The following TTN variants were observed in gnomAD, a reference collection of about 807,000 sequenced individuals.
TTN encodes connectin.
A neutral mutation model predicts 3,223.0 loss-of-function variants in TTN; 1,525 were observed. That is an observed-to-expected ratio of 0.47 (90% CI 0.45 to 0.49). The LOEUF is 0.49. Ranked by LOEUF, TTN falls within the 20% of genes least tolerant of loss-of-function variation. The pLI, the probability that TTN is intolerant of heterozygous loss-of-function variation, is 0.00. For missense variants in TTN, 40,786 were observed against 43,424.0 expected, an observed-to-expected ratio of 0.94 and a Z score of 5.40; for synonymous variants, 14,094 against 15,161.0, an observed-to-expected ratio of 0.93 and a Z score of 5.17.
intron 47 of TTN, chr2:178,749,903 T>C (rs748204867): frequency 1.2e-6 from 2 of 1,613,110 alleles, no homozygotes; most frequent in Non-Finnish European, 8.5e-7. Context: ...CCTGGCATGC[T>C]TTGGCATTTC....
rs544263357 is a variant in TTN at position 178,574,026 on chromosome 2, T to C, written c.72106A>G (p.Lys24036Glu). The C allele has an allele frequency of 2.5e-6, 4 of 1,613,336 alleles. No homozygotes were observed. The African/African-American group carries it at 4.0e-5, about 16-fold the overall frequency. Residue 24036 changes from lysine (K) to glutamate (E), a missense_variant, in exon 326 of 363, where the codon AAG becomes GAG. By Grantham distance (56) the Lys-to-Glu change is moderately conservative. Transcript: ENST00000589042. ...CCTGCTTTTAATATAACCGTGTCCT[T>C]AAATTTAACATCCACCTTTATCTTT... Reference protein sequence around the residue: ...APKIKVDVKFKDTVILKAGEA... With the variant: ...APKIKVDVKFEDTVILKAGEA...
chr2:178,703,685 A>T (rs2075370625), intron 106 of TTN, among the ~76,000 whole-genome samples: 1 of 152,234 alleles, frequency 6.6e-6, no homozygotes, highest in Non-Finnish European at 1.5e-5. Context: ...AATGAAATAA[A>T]TATTTTTGAA....
intron 207 of TTN, 59 bp downstream of exon 207, chr2:178,651,394 C>T: frequency 6.2e-7 from 1 of 1,602,358 alleles, no homozygotes; most frequent in Non-Finnish European, 8.5e-7. Flanking sequence ...CAGAACAAAA[C>T]CCTTTTAGAA....
rs1559405404 is a variant in TTN, at chr2:178,571,694, G to T, written c.74438C>A (p.Thr24813Asn). Residue 24813 changes from threonine (T) to asparagine (N), a missense_variant, in exon 326 of 363, where the codon ACT becomes AAT. By Grantham distance (65) the Thr-to-Asn change is moderately conservative (BLOSUM62 0). Coordinates refer to ENST00000589042, the MANE Select transcript of TTN (RefSeq NM_001267550.2). ...VIVLDKPGPP[T>N]GPVKMDEVTA... ...CACTTCATCCATTTTAACTGGTCCA[G>T]TTGGAGGCCCTGGTTTGTCAAGAAC... The T allele has an allele frequency of 6.2e-7, 1 of 1,613,498 alleles. No individual in the cohort carries two copies. The highest frequency in any genetic ancestry group is 8.5e-7 in the Non-Finnish European group (1 of 1,179,612).
intron 50 of TTN, 119 bp downstream of exon 50, chr2:178,735,392 T>C: frequency 9.8e-7 from 1 of 1,024,260 alleles, no homozygotes; most frequent in Non-Finnish European, 1.3e-6. Flanking sequence ...AACCATAATG[T>C]TTGCTGAATG....
chr2:178,548,136 C>T lies in TTN; in HGVS notation c.93490G>A (p.Gly31164Ser). 1 of 1,613,834 alleles carries T rather than the reference C, an allele frequency of 6.2e-7. No individual in the cohort carries two copies. The highest frequency in any genetic ancestry group is 8.5e-7 in the Non-Finnish European group (1 of 1,179,812). ...QKGSDFWVEA[G>S]HTKQLTFTVE... ...GTGAAAGTTAGCTGTTTGGTGTGAC[C>T]AGCTTCAACCCAGAAGTCAGATCCC... Residue 31164 changes from glycine (G) to serine (S), a missense_variant, in exon 339 of 363, where the codon GGT (glycine) becomes AGT (serine). Physicochemically the swap from Gly to Ser is moderately conservative, Grantham distance 56. Coordinates refer to ENST00000589042, the MANE Select transcript of TTN (RefSeq NM_001267550.2). The surrounding 1 kb of genome is among the most constrained non-coding windows in gnomAD (Gnocchi z 4.3).
chr2:178,577,881 C>T lies in TTN; in HGVS notation c.68545G>A (p.Glu22849Lys). ...GAATTCCTTGTTATGTTAATAACCT[C>T]AGGTTTTCCAGGAGGATCTAAAACA... Reference protein sequence around the residue: ...LDPIDPPGKPEVINITRNSVT... With the variant: ...LDPIDPPGKPKVINITRNSVT... The change falls in exon 323 of 363, where the codon GAG becomes AAG. Residue 22849 changes from glutamate to lysine, a missense_variant. Physicochemically the swap from Glu to Lys is moderately conservative, Grantham distance 56. Coordinates refer to ENST00000589042, the MANE Select transcript of TTN (RefSeq NM_001267550.2). 1.3e-6 allele frequency: 2 copies of T among 1,584,142 alleles called. No individual in the cohort carries two copies. Among genetic ancestry groups the T allele is most frequent in the South Asian group, 1.2e-5 (1 of 85,564 alleles).
rs527648094 is a variant in TTN at position 178,799,479 on chromosome 2, A to G, written c.914+8T>C. On this transcript the variant is annotated splice_region_variant and intron_variant, in intron 6 of 362. Coordinates refer to ENST00000589042, the MANE Select transcript of TTN (RefSeq NM_001267550.2). ...TGCAATAATCTGCTCTCTCTATGGC[A>G]GCTTTACCTGACCGGAGATGGGGTC... 8.1e-6 allele frequency: 13 copies of G among 1,614,128 alleles called. No homozygotes were observed. The African/African-American group carries it at 1.3e-4, about 17-fold the overall frequency.
Position 178,549,388 on chromosome 2 carries a change from A to G in TTN, c.92238T>C (p.Asp30746=), listed in dbSNP as rs375738563. 1.2e-6 allele frequency: 2 copies of G among 1,613,666 alleles called. No homozygotes were observed. The highest frequency in any genetic ancestry group is 1.3e-5 in the African/African-American group (1 of 74,906). Residue 30746 remains aspartate (D), a synonymous_variant, in exon 339 of 363, where the codon GAT becomes GAC. Coordinates refer to ENST00000589042, the MANE Select transcript of TTN (RefSeq NM_001267550.2). Reference sequence around the variant, plus strand: ...TATACTGTTGAATTTCACTGCCACCATCTGATTCTGGCCTTGCCCATGTCA... The same window carrying G: ...TATACTGTTGAATTTCACTGCCACCGTCTGATTCTGGCCTTGCCCATGTCA... The part of the protein sequence containing the change: ...ITLTWARPES[D]GGSEIQQYIL...
intron 114 of TTN, 117 bp downstream of exon 114, chr2:178,695,748 C>A: frequency 1.2e-6 from 1 of 858,400 alleles, no homozygotes; most frequent in Non-Finnish European, 1.6e-6. Context: ...TTAAAAAAAT[C>A]TAAGATCATT....
In TTN at chr2:178,685,004, G is replaced by A; in HGVS notation, c.32471-15C>T. The A allele has an allele frequency of 6.3e-7, 1 of 1,579,778 alleles. No homozygotes were observed. The highest frequency in any genetic ancestry group is 2.3e-5 in the East Asian group (1 of 44,346). ...TGCTTCAGGAACTTTAGAAAGATTAGGTTTAAGAATATGAGTTTGCCTTAC... is the reference window on the plus strand; with the variant it reads ...TGCTTCAGGAACTTTAGAAAGATTAAGTTTAAGAATATGAGTTTGCCTTAC... On this transcript the variant is annotated splice_polypyrimidine_tract_variant and intron_variant, in intron 129 of 362. Transcript: ENST00000589042.
Position 178,645,919 on chromosome 2 carries a change from C to A in TTN, c.40408+1G>T. 2 of 1,556,410 alleles carry A rather than the reference C, an allele frequency of 1.3e-6. No individual in the cohort carries two copies. Among genetic ancestry groups the A allele is most frequent in the South Asian group, 2.5e-5 (2 of 81,068 alleles). On this transcript the variant is annotated splice_donor_variant, in intron 217 of 362. Transcript: ENST00000589042. LOFTEE classifies it high-confidence loss of function. ...AAAACTTTGGAAGTGGCATTTTTTACCTTTAAGTTGGAATATTTTCTCCTT... is the reference window on the plus strand; with the variant it reads ...AAAACTTTGGAAGTGGCATTTTTTAACTTTAAGTTGGAATATTTTCTCCTT...
At chr2:178,621,771 T>C (rs556054662) in intron 244 of TTN, 30 bp from the exon 245 acceptor site, 18 of 1,609,150 alleles carry the variant, frequency 1.1e-5, no homozygotes, top group South Asian at 6.6e-5. Context: ...AAAAACCACA[T>C]TGAGTTAAGC....
chr2:178,650,810 A>T lies in TTN; in HGVS notation c.39650T>A (p.Val13217Asp). Reference protein sequence around the residue: ...AKVPEVPKKPVLEEKPAVPVP... With the variant: ...AKVPEVPKKPDLEEKPAVPVP... ...AGGAACAGCTGGTTTCTCTTCCAAG[A>T]CAGGTTTCTTTGGCACTTCTGGCAC... is the stretch of plus-strand genomic sequence containing the variant. The change falls in exon 209 of 363, where the codon GTC becomes GAC. Residue 13217 changes from valine to aspartate, a missense_variant. Val to Asp is a radical substitution (Grantham distance 152). Coordinates refer to ENST00000589042, the MANE Select transcript of TTN (RefSeq NM_001267550.2). 1 of 1,607,400 alleles carries T rather than the reference A, an allele frequency of 6.2e-7. No homozygotes were observed. The highest frequency in any genetic ancestry group is 8.5e-7 in the Non-Finnish European group (1 of 1,176,740).
At chr2:178,538,436 T>C in intron 354 of TTN, 104 bp downstream of exon 354, 2 of 1,128,038 alleles carry the variant, frequency 1.8e-6, no homozygotes, top group Non-Finnish European at 2.4e-6. Flanking sequence ...TCTTAACACT[T>C]GCTCTCCAAT....
rs779613133 is a variant in TTN at position 178,584,564 on chromosome 2, G to A, written c.64987C>T (p.Pro21663Ser). ...ACTTTGGTGACTCGTGCATTCTTTG[G>A]TTCACTAGGAACACCTGGAGATGAA... ...AQFPFGVPSEPKNARVTKVNK... is the reference protein window; with the variant it reads ...AQFPFGVPSESKNARVTKVNK... The change falls in exon 311 of 363, where the codon CCA (proline) becomes TCA (serine). Residue 21663 changes from proline (P) to serine (S), a missense_variant. By Grantham distance (74) the Pro-to-Ser change is moderately conservative. Coordinates refer to ENST00000589042, the MANE Select transcript of TTN (RefSeq NM_001267550.2). The A allele has an allele frequency of 1.6e-5, 26 of 1,611,964 alleles. No homozygotes were observed. Among genetic ancestry groups the A allele is most frequent in the South Asian group, 2.2e-5 (2 of 90,910 alleles).
At position 178,574,576 on chromosome 2, in the gene TTN, A is replaced by C. The variant is rs1709403076; in HGVS notation, c.71556T>G (p.Ser23852=). 1 of 1,613,446 alleles carries C rather than the reference A, an allele frequency of 6.2e-7. No homozygotes were observed. Among genetic ancestry groups the C allele is most frequent in the Admixed American group, 1.7e-5 (1 of 59,980 alleles). ...ATCCTAAAATGGGGCTTCCACCATC[A>C]GAAAGTGGCTCATGCCAGCTAATTG... The part of the protein sequence containing the change: ...SMTISWHEPL[S]DGGSPILGYH... The change falls in exon 326 of 363, where the codon TCT becomes TCG. Residue 23852 remains serine, a synonymous_variant. Coordinates refer to ENST00000589042, the MANE Select transcript of TTN (RefSeq NM_001267550.2).
intron 41 of TTN, 53 bp downstream of exon 41, chr2:178,766,328 G>A: frequency 1.5e-6 from 2 of 1,370,252 alleles, no homozygotes; most frequent in Non-Finnish European, 2.1e-6. Context: ...ACTTAAACAG[G>A]AGGATTATTT....
intron 25 of TTN, 59 bp downstream of exon 25, chr2:178,777,645 C>T (rs974437978): frequency 3.0e-5 from 49 of 1,613,144 alleles, no homozygotes; most frequent in Non-Finnish European, 3.8e-5. Context: ...TTGTTAGATG[C>T]ATACATAAGC....
Sources: gnomAD v4.1 joint callset for allele counts (sites outside exome capture counted in the v4.1 genomes callset) on GRCh38, gnomAD v4.1.1 for gene constraint, Gnocchi (gnomAD v3.1) non-coding constraint, MANE v1.5 for transcripts, NCBI Gene and HGNC (gene_info 2026-07-23, HGNC 2026-07-21) for gene names.